The following REEP3 variants were observed in gnomAD, a reference collection of about 807,000 sequenced individuals.
REEP3 encodes the protein receptor expression-enhancing protein 3.
Under a neutral mutation model 41.3 loss-of-function variants are expected in REEP3, and 20 were observed. The observed-to-expected ratio is 0.48, with a 90% CI of 0.34 to 0.70. The LOEUF is 0.70. REEP3 is among the 30% of genes least tolerant of loss of function. REEP3 has a pLI of 0.01. For missense variants in REEP3, 271 were observed against 308.8 expected, an observed-to-expected ratio of 0.88 and a Z score of 0.92; for synonymous variants, 104 against 101.8, an observed-to-expected ratio of 1.02 and a Z score of -0.13.
At chr10:63,606,289 C>CTTT (rs1554808467) in intron 5 of REEP3, among the ~76,000 whole-genome samples, 23 of 108,590 alleles carry the variant, frequency 2.1e-4, no homozygotes, top group East Asian at 5.4e-4. Context: ...TTCTTTCTTT[C>CTTT]CTTTCTTTCT....
At chr10:63,552,378 T>C (rs2133362121) in intron 1 of REEP3, among the ~76,000 whole-genome samples, 1 of 152,066 alleles carries the variant, frequency 6.6e-6, no homozygotes. Flanking sequence ...GCCCCTGCAC[T>C]CCAGCCTGGA....
At chr10:63,575,858 T>C (rs1955894702) in intron 2 of REEP3, among the ~76,000 whole-genome samples, 2 of 152,114 alleles carry the variant, frequency 1.3e-5, no homozygotes, top group Admixed American at 1.3e-4. Flanking sequence ...CTCAGCCTCC[T>C]GAGTAGCTGG....
At chr10:63,545,975 A>G (rs1041947432) in intron 1 of REEP3, among the ~76,000 whole-genome samples, 1 of 152,196 alleles carries the variant, frequency 6.6e-6, no homozygotes, top group Non-Finnish European at 1.5e-5. Flanking sequence ...TTAAAGGTGA[A>G]GGCATTAGCC....
intron 1 of REEP3, among the ~76,000 whole-genome samples, chr10:63,565,622 G>T (rs968731019): frequency 2.0e-5 from 3 of 152,168 alleles, no homozygotes; most frequent in African/African-American, 7.2e-5. Flanking sequence ...CACAAATTGT[G>T]TACGTGTATG....
chr10:63,608,509 T>G (rs1956249341), intron 5 of REEP3, among the ~76,000 whole-genome samples: 1 of 152,150 alleles, frequency 6.6e-6, no homozygotes, highest in Non-Finnish European at 1.5e-5. Flanking sequence ...ACTTTGAAAT[T>G]TAGAGATGAA....
At chr10:63,562,147 T>C (rs1955746057) in intron 1 of REEP3, among the ~76,000 whole-genome samples, 1 of 151,982 alleles carries the variant, frequency 6.6e-6, no homozygotes, top group African/African-American at 2.4e-5. Context: ...TAAGTTAAAT[T>C]GAAAAGCCCC....
chr10:63,610,136 G>A, intron 5 of REEP3, 51 bp from the exon 6 acceptor site: 1 of 1,470,710 alleles, frequency 6.8e-7, no homozygotes, highest in Non-Finnish European at 9.3e-7. Flanking sequence ...ATAGTTAAAT[G>A]TAAGCATACT....
intron 2 of REEP3, among the ~76,000 whole-genome samples, chr10:63,572,166 A>G (rs1225898761): frequency 6.6e-6 from 1 of 152,186 alleles, no homozygotes; most frequent in Non-Finnish European, 1.5e-5. Flanking sequence ...CCTCCTTTAA[A>G]AAAAAATAAA....
intron 1 of REEP3, among the ~76,000 whole-genome samples, chr10:63,532,970 G>A (rs2133342250): frequency 1.3e-5 from 2 of 152,170 alleles, no homozygotes; most frequent in East Asian, 3.8e-4. Flanking sequence ...CATGGGGAAG[G>A]GGGACAGATT....
At chr10:63,535,302 A>T (rs1955464550) in intron 1 of REEP3, among the ~76,000 whole-genome samples, 1 of 152,180 alleles carries the variant, frequency 6.6e-6, no homozygotes, top group Admixed American at 6.5e-5. Flanking sequence ...GACAGACTAA[A>T]ATACTGGAAG....
chr10:63,527,910 A>G (rs569159743), intron 1 of REEP3, among the ~76,000 whole-genome samples: 2 of 151,544 alleles, frequency 1.3e-5, no homozygotes, highest in East Asian at 3.9e-4. Flanking sequence ...TTCTCCTTGA[A>G]GTATTTTCTT....
At chr10:63,556,102 C>T (rs1589865295) in intron 1 of REEP3, among the ~76,000 whole-genome samples, 2 of 151,534 alleles carry the variant, frequency 1.3e-5, no homozygotes, top group African/African-American at 4.8e-5. Flanking sequence ...TCTGGGATTC[C>T]TCATTGAGAT....
Position 63,624,096 on chromosome 10 carries a change from T to A in REEP3, c.*3227T>A, listed in dbSNP as rs1956377612. ...TAAGCATGAGTCTAATTTGTATTAA[T>A]TGGGATGGACTAAATTTTCATTTGA... On this transcript the variant is annotated 3_prime_UTR_variant, in exon 8 of 8. Transcript: ENST00000373758. 1 of 152,120 alleles carries A rather than the reference T, an allele frequency of 6.6e-6. No homozygotes were observed. Among genetic ancestry groups the A allele is most frequent in the South Asian group, 2.1e-4 (1 of 4,832 alleles). The allele number at this position is 152,120 out of a possible 1,614,324, so 9.4% of individuals were successfully genotyped here. A position where few individuals can be genotyped will look rare whatever the true frequency, so the allele number is the denominator to read the frequency against.
intron 1 of REEP3, among the ~76,000 whole-genome samples, chr10:63,556,901 CTGGGATT>C (rs1403466760): frequency 4.6e-5 from 7 of 151,910 alleles, no homozygotes; most frequent in African/African-American, 1.7e-4. Context: ...TCCCAAAGTG[CTGGGATT>C]ACAGGCGTGA....
intron 5 of REEP3, among the ~76,000 whole-genome samples, chr10:63,604,800 C>T (rs1004024415): frequency 6.6e-6 from 1 of 152,144 alleles, no homozygotes; most frequent in Non-Finnish European, 1.5e-5. Context: ...GATTCCACCA[C>T]AAATTAGCCA....
At chr10:63,575,247 G>A (rs982868152) in intron 2 of REEP3, among the ~76,000 whole-genome samples, 2 of 152,142 alleles carry the variant, frequency 1.3e-5, no homozygotes, top group Non-Finnish European at 2.9e-5. Flanking sequence ...TTCTGGTGTT[G>A]CTGTTGAGAA....
chr10:63,562,063 A>G (rs1237648439), intron 1 of REEP3, among the ~76,000 whole-genome samples: 1 of 152,138 alleles, frequency 6.6e-6, no homozygotes, highest in Non-Finnish European at 1.5e-5. Context: ...GTTCTTGTTT[A>G]CACTCTAGTT....
In REEP3 at chr10:63,624,758, T is replaced by A. The variant is rs2133443706; in HGVS notation, c.*3889T>A. ...AGGATTATGAAAAAGAAATACTGAA[T>A]TGTTAAATTTGGATGTTAGAAAGGA... On this transcript the variant is annotated 3_prime_UTR_variant, in exon 8 of 8. Coordinates refer to ENST00000373758, the MANE Select transcript of REEP3 (RefSeq NM_001001330.3). 1 of 152,226 alleles carries A rather than the reference T, an allele frequency of 6.6e-6. No homozygotes were observed. The highest frequency in any genetic ancestry group is 3.4e-3 in the Middle Eastern group (1 of 294). The allele number at this position is 152,226 out of a possible 1,614,324, so 9.4% of individuals were successfully genotyped here. A position where few individuals can be genotyped will look rare whatever the true frequency, so the allele number is the denominator to read the frequency against.
chr10:63,613,477 A>G (rs564995420), intron 6 of REEP3, among the ~76,000 whole-genome samples: 1 of 152,360 alleles, frequency 6.6e-6, no homozygotes, highest in African/African-American at 2.4e-5. Flanking sequence ...TGTTCAGAGT[A>G]TAAATTCTGC....
Sources: allele counts gnomAD v4.1 joint callset (sites outside exome capture counted in the v4.1 genomes callset), GRCh38; gene constraint gnomAD v4.1.1; transcripts MANE v1.5; gene names NCBI Gene and HGNC (gene_info 2026-07-23, HGNC 2026-07-21).